TENM1: variants seen among roughly 807,000 people sequenced by gnomAD.
TENM1 encodes the protein teneurin-1.
A neutral mutation model predicts 174.8 loss-of-function variants in TENM1; 35 were observed. That is an observed-to-expected ratio of 0.20 (90% CI 0.15 to 0.27). The LOEUF (loss-of-function observed/expected upper bound fraction) is 0.27. TENM1 is among the 10% of genes least tolerant of loss of function. TENM1 has a pLI of 1.00. For synonymous variants in TENM1, 781 were observed against 798.7 expected (o/e 0.98, Z 0.37); for missense variants, 1,633 against 2,130.1 (o/e 0.77, Z 4.59).
intron 22 of TENM1, among the ~76,000 whole-genome samples, chrX:124,470,913 A>T (rs1238549211): frequency 9.2e-6 from 1 of 108,755 alleles, no homozygotes; most frequent in Non-Finnish European, 1.9e-5. Context: ...TGTATTTTTA[A>T]GAAAAATACA....
intron 3 of TENM1, among the ~76,000 whole-genome samples, chrX:124,862,814 G>T (rs1337654479): frequency 9.2e-6 from 1 of 109,186 alleles, no homozygotes; most frequent in Admixed American, 9.9e-5. Flanking sequence ...AGTGTTGGCA[G>T]CAAAACTCCC....
chrX:124,759,891 G>A (rs142150381), intron 3 of TENM1, among the ~76,000 whole-genome samples: 5 of 112,021 alleles, frequency 4.5e-5, no homozygotes, highest in African/African-American at 1.3e-4. Context: ...ACAGCTCAGA[G>A]ACTAGAAGTT....
chrX:124,589,777 C>CTGAT lies in TENM1; in HGVS notation c.2078-24221_2078-24218dup, dbSNP rs917643634. On this transcript the variant is annotated intron_variant, in intron 11 of 31. Transcript: ENST00000422452. ...GGTTGTAATGTTATCTTTGTTATTT[C>CTGAT]TGATTGTGCTTATTTGGCTCTTCTC... 2.7e-5 allele frequency among the ~76,000 whole-genome samples: 3 copies of CTGAT among 111,243 alleles called. No homozygotes were observed. In the Admixed American group the frequency reaches 2.9e-4, roughly 11 times the overall value.
chrX:125,192,159 C>T, the TENM1 span, among the ~76,000 whole-genome samples: 1 of 110,666 alleles, frequency 9.0e-6, no homozygotes, highest in Non-Finnish European at 1.9e-5. Flanking sequence ...TCTGCAGAAA[C>T]CTTGGAGAAA....
chrX:125,101,347 G>GA, the TENM1 span, among the ~76,000 whole-genome samples: 6 of 111,588 alleles, frequency 5.4e-5, no homozygotes, highest in Non-Finnish European at 9.4e-5. Context: ...TATTCCACAG[G>GA]AAACACTTTG....
the TENM1 span, among the ~76,000 whole-genome samples, chrX:124,979,910 AT>A: frequency 8.9e-6 from 1 of 112,086 alleles, no homozygotes; most frequent in Non-Finnish European, 1.9e-5. Context: ...TATTTATGAG[AT>A]CATTTGGGGA....
At chrX:124,571,845 T>C (rs1569314897) in intron 11 of TENM1, among the ~76,000 whole-genome samples, 1 of 111,741 alleles carries the variant, frequency 8.9e-6, no homozygotes, top group Non-Finnish European at 1.9e-5. Context: ...ATAATCTCTA[T>C]TTTAAACTAT....
At chrX:125,022,311 A>C in the TENM1 span, among the ~76,000 whole-genome samples, 1 of 112,091 alleles carries the variant, frequency 8.9e-6, no homozygotes, top group Non-Finnish European at 1.9e-5. Flanking sequence ...TAAGTCCTGT[A>C]TATTTACCTC....
the TENM1 span, among the ~76,000 whole-genome samples, chrX:124,990,495 AT>A: frequency 8.9e-6 from 1 of 112,769 alleles, no homozygotes; most frequent in East Asian, 2.8e-4. Flanking sequence ...GTTTTTAAAA[AT>A]TATTCATCAA....
the TENM1 span, among the ~76,000 whole-genome samples, chrX:125,052,787 A>C: frequency 2.7e-5 from 3 of 112,522 alleles, no homozygotes; most frequent in African/African-American, 9.7e-5. Flanking sequence ...GAGAAGGACA[A>C]ATGTTCCGGG....
intron 3 of TENM1, among the ~76,000 whole-genome samples, chrX:124,742,805 T>A (rs1490285920): frequency 9.1e-6 from 1 of 110,167 alleles, no homozygotes; most frequent in Non-Finnish European, 1.9e-5. Context: ...CTGAAGACCA[T>A]ATAATCTACA....
chrX:124,397,904 A>G (rs2060355123), intron 27 of TENM1, among the ~76,000 whole-genome samples: 1 of 106,462 alleles, frequency 9.4e-6, no homozygotes, highest in Admixed American at 9.9e-5. Context: ...CCTGCATTTA[A>G]TTTTTATGAA....
chrX:125,172,681 A>G, the TENM1 span, among the ~76,000 whole-genome samples: 6 of 45,866 alleles, frequency 1.3e-4, no homozygotes, highest in African/African-American at 3.9e-4. Flanking sequence ...CTAGAATAAC[A>G]TATCTATTAT....
intron 11 of TENM1, among the ~76,000 whole-genome samples, chrX:124,618,868 C>T (rs1199095966): frequency 8.9e-6 from 1 of 112,165 alleles, no homozygotes; most frequent in African/African-American, 3.2e-5. Flanking sequence ...ATCACTTCAG[C>T]TCAGGAGTTT....
At chrX:124,960,870 C>T (rs769172645) in intron 1 of TENM1, among the ~76,000 whole-genome samples, 2 of 111,434 alleles carry the variant, frequency 1.8e-5, no homozygotes, top group East Asian at 2.8e-4. Flanking sequence ...AATAATTTCC[C>T]AATTGTCAGG....
In TENM1 at chrX:124,641,846, C is replaced by T; in HGVS notation, c.2022G>A (p.Leu674=). 1 of 1,211,761 alleles carries T rather than the reference C, an allele frequency of 8.3e-7. No homozygotes were observed. The highest frequency in any genetic ancestry group is 1.8e-5 in the South Asian group (1 of 56,986). The change falls in exon 11 of 32, where the codon CTG becomes CTA. Residue 674 remains leucine, a synonymous_variant. Transcript: ENST00000422452. ...GATCACAGCTGCATACTCCAGCGTC[C>T]AGAAGAAAAGTTCCGTGTCCTGAGC...
At chrX:125,127,876 G>A in the TENM1 span, among the ~76,000 whole-genome samples, 3 of 111,134 alleles carry the variant, frequency 2.7e-5, no homozygotes, top group Non-Finnish European at 5.7e-5. Context: ...TCTCTGGACA[G>A]TACAACCTCC....
intron 11 of TENM1, among the ~76,000 whole-genome samples, chrX:124,640,813 T>C (rs1255285387): frequency 1.8e-5 from 2 of 109,436 alleles, no homozygotes; most frequent in Non-Finnish European, 3.8e-5. Context: ...ACAAAAAAAT[T>C]AGCCGGTCGT....
intron 1 of TENM1, among the ~76,000 whole-genome samples, chrX:124,903,693 T>C (rs1174301295): frequency 8.9e-6 from 1 of 112,141 alleles, no homozygotes; most frequent in African/African-American, 3.2e-5. Context: ...GGATGCTTGC[T>C]CTACAATATT....
Sources: gnomAD v4.1 joint callset for allele counts (sites outside exome capture counted in the v4.1 genomes callset) on GRCh38, gnomAD v4.1.1 for gene constraint, MANE v1.5 for transcripts, NCBI Gene and HGNC (gene_info 2026-07-23, HGNC 2026-07-21) for gene names.